The following DPP6 variants were observed in gnomAD, a reference collection of about 807,000 sequenced individuals.
DPP6 encodes the protein A-type potassium channel modulatory protein DPP6.
DPP6 carries 69 observed loss-of-function variants against 122.6 expected under a neutral mutation model. That is an observed-to-expected ratio of 0.56 (90% CI 0.46 to 0.69). DPP6 has a LOEUF of 0.69. Ranked by LOEUF, DPP6 falls within the 30% of genes least tolerant of loss-of-function variation. DPP6 has a pLI of 0.00. For missense variants in DPP6, 928 were observed against 1,116.9 expected, an observed-to-expected ratio of 0.83 and a Z score of 2.41; for synonymous variants, 418 against 433.1, an observed-to-expected ratio of 0.97 and a Z score of 0.43.
At chr7:154,463,963 G>A (rs1821566345) in intron 2 of DPP6, among the ~76,000 whole-genome samples, 1 of 152,198 alleles carries the variant, frequency 6.6e-6, no homozygotes, top group African/African-American at 2.4e-5. Context: ...CACCCCAGCT[G>A]CTGTCTCACT....
At chr7:154,064,793 G>A (rs1427741022) in intron 1 of DPP6, among the ~76,000 whole-genome samples, 3 of 152,132 alleles carry the variant, frequency 2.0e-5, no homozygotes, top group African/African-American at 7.2e-5. Flanking sequence ...TCTCATTCAG[G>A]GTTTCTGGTT....
intron 3 of DPP6, among the ~76,000 whole-genome samples, chr7:154,499,751 A>AC (rs547604644): frequency 6.6e-5 from 10 of 150,882 alleles, no homozygotes; most frequent in South Asian, 4.2e-4. Flanking sequence ...CCACCCACCA[A>AC]CCCCCCCAGA....
the DPP6 span, among the ~76,000 whole-genome samples, chr7:153,840,435 C>G: frequency 2.3e-3 from 345 of 151,814 alleles, 2 homozygotes; most frequent in Middle Eastern, 0.01. Context: ...GATTTTGGTA[C>G]TTGTATGAAT....
rs1055960296 is a variant in DPP6 at position 154,606,603 on chromosome 7, G to A, written c.628-31218G>A. 1.7e-5 allele frequency among the ~76,000 whole-genome samples: 2 copies of A among 120,376 alleles called. 1 individual carries two copies. Among genetic ancestry groups the A allele is most frequent in the Non-Finnish European group, 3.7e-5 (2 of 53,608 alleles). 79.0% of individuals were successfully genotyped at this position (120,376 alleles called of 152,430 possible). A position where few individuals can be genotyped will look rare whatever the true frequency, so the allele number is the denominator to read the frequency against. The stretch of plus-strand genomic sequence containing the variant: ...AAGGAATTTAACCTGCCTATAATTA[G>A]TATGATTACAGTTGAATAACAGGTT... On this transcript the variant is annotated intron_variant, in intron 5 of 25. Coordinates refer to ENST00000377770, the MANE Select transcript of DPP6 (RefSeq NM_130797.4).
intron 7 of DPP6, among the ~76,000 whole-genome samples, chr7:154,719,884 G>A (rs905654716): frequency 3.9e-5 from 6 of 152,192 alleles, no homozygotes; most frequent in East Asian, 1.9e-4. Flanking sequence ...CAGCATCAAC[G>A]TGAAGGCCTC....
At chr7:153,866,019 A>T in the DPP6 span, among the ~76,000 whole-genome samples, 1 of 152,020 alleles carries the variant, frequency 6.6e-6, no homozygotes, top group Non-Finnish European at 1.5e-5. Flanking sequence ...TTCATGGTGT[A>T]TATGTGCCAC....
rs183751349 is a variant in DPP6 at position 154,469,900 on chromosome 7, T to C, written c.359-5039T>C. The stretch of plus-strand genomic sequence containing the variant: ...GTTACTAAGCAGCATCTGTGTTAGG[T>C]CCATCGCTGACGGAACAGGCTGCAG... On this transcript the variant is annotated intron_variant, in intron 2 of 25. Coordinates refer to ENST00000377770, the MANE Select transcript of DPP6 (RefSeq NM_130797.4). Among the ~76,000 whole-genome samples, 203 of 152,342 alleles carry C rather than the reference T, an allele frequency of 1.3e-3. 1 individual carries two copies. Among genetic ancestry groups the C allele is most frequent in the Non-Finnish European group, 2.2e-3 (150 of 68,028 alleles).
intron 1 of DPP6, among the ~76,000 whole-genome samples, chr7:154,322,359 C>T (rs1808044041): frequency 6.6e-6 from 1 of 152,216 alleles, no homozygotes; most frequent in Admixed American, 6.5e-5. Context: ...GTTTGACTAA[C>T]TCTGCCATCT....
chr7:154,755,519 TA>T lies in DPP6; in HGVS notation c.884-13897del, dbSNP rs1425399147. Among the ~76,000 whole-genome samples, 1 of 152,174 alleles carries T rather than the reference TA, an allele frequency of 6.6e-6. No homozygotes were observed. Among genetic ancestry groups the T allele is most frequent in the Non-Finnish European group, 1.5e-5 (1 of 68,040 alleles). ...TTAAGGGAAAAAATAAAGATAATAA[TA>T]GTGTCTACCTGGAGTGATTGCGTTG... is the stretch of plus-strand genomic sequence containing the variant. On this transcript the variant is annotated intron_variant, in intron 8 of 25. Transcript: ENST00000377770. The surrounding 1 kb of genome is among the most constrained non-coding windows in gnomAD (Gnocchi z 4.7).
intron 3 of DPP6, among the ~76,000 whole-genome samples, chr7:154,537,895 G>T (rs895361770): frequency 6.6e-6 from 1 of 152,014 alleles, no homozygotes; most frequent in African/African-American, 2.4e-5. Context: ...GGAATGACTG[G>T]TATCCATTGT....
intron 16 of DPP6, among the ~76,000 whole-genome samples, chr7:154,839,403 G>A (rs1406000721): frequency 6.6e-6 from 1 of 152,250 alleles, no homozygotes; most frequent in Non-Finnish European, 1.5e-5. Flanking sequence ...GAGCCCAGTA[G>A]AGGACTGAGT....
chr7:153,923,132 C>T (rs375993407), intron 1 of DPP6, among the ~76,000 whole-genome samples: 1 of 152,168 alleles, frequency 6.6e-6, no homozygotes, highest in South Asian at 2.1e-4. Flanking sequence ...AGGCAGTGGG[C>T]GTCCTAGCGG....
intron 1 of DPP6, among the ~76,000 whole-genome samples, chr7:154,016,105 C>T (rs34054517): frequency 0.1 from 15,967 of 152,218 alleles, 949 homozygotes; most frequent in East Asian, 0.19. Context: ...CATAGATCTT[C>T]CCGCCATTCA....
intron 4 of DPP6, among the ~76,000 whole-genome samples, chr7:154,542,687 A>G (rs1828828174): frequency 6.6e-6 from 1 of 152,160 alleles, no homozygotes; most frequent in Non-Finnish European, 1.5e-5. Flanking sequence ...TTTTCCATCC[A>G]TTTTATAAAC....
chr7:154,421,046 C>A (rs1482141808), intron 1 of DPP6, among the ~76,000 whole-genome samples: 1 of 152,204 alleles, frequency 6.6e-6, no homozygotes, highest in Non-Finnish European at 1.5e-5. Context: ...AGCTCTGGAA[C>A]TAAGCATACC....
chr7:154,730,501 T>G (rs1366357590), intron 8 of DPP6, among the ~76,000 whole-genome samples: 1 of 152,222 alleles, frequency 6.6e-6, no homozygotes, highest in Non-Finnish European at 1.5e-5. Context: ...CTGCTGTTGT[T>G]TCTTATCACA....
intron 1 of DPP6, among the ~76,000 whole-genome samples, chr7:154,138,566 T>C (rs1409626870): frequency 6.6e-6 from 1 of 152,020 alleles, no homozygotes; most frequent in Non-Finnish European, 1.5e-5. Flanking sequence ...TCACTGGAAC[T>C]CTTTGGTTGT....
intron 5 of DPP6, chr7:154,587,670 G>A: frequency 1.9e-6 from 3 of 1,548,972 alleles, no homozygotes; most frequent in Middle Eastern, 1.7e-4. Context: ...TGAAGTCCAG[G>A]AAGTTGACAT....
chr7:154,176,589 C>A (rs1028453243), intron 1 of DPP6, among the ~76,000 whole-genome samples: 1 of 152,188 alleles, frequency 6.6e-6, no homozygotes, highest in Non-Finnish European at 1.5e-5. Context: ...TCCAGAGTCA[C>A]CATGTAAAAT....
Sources: gnomAD v4.1 joint callset for allele counts (sites outside exome capture counted in the v4.1 genomes callset) on GRCh38, gnomAD v4.1.1 for gene constraint, Gnocchi (gnomAD v3.1) non-coding constraint, MANE v1.5 for transcripts, NCBI Gene and HGNC (gene_info 2026-07-23, HGNC 2026-07-21) for gene names.